Variants in ATG7 observed in about 807,000 individuals in gnomAD.
ATG7 encodes the protein ubiquitin-like modifier-activating enzyme ATG7.
In ATG7, 70 loss-of-function variants were observed where a neutral mutation model predicts 82.4. That is an observed-to-expected ratio of 0.85 (90% CI 0.70 to 1.04). The LOEUF (loss-of-function observed/expected upper bound fraction) is 1.04. ATG7 is among the 50% of genes least tolerant of loss of function. The pLI is 0.00. For synonymous variants in ATG7, 287 were observed against 313.0 expected, an observed-to-expected ratio of 0.92 and a Z score of 0.88; for missense variants, 792 against 864.3, an observed-to-expected ratio of 0.92 and a Z score of 1.05.
chr3:11,564,120 G>A, the ATG7 span, among the ~76,000 whole-genome samples: 4 of 152,336 alleles, frequency 2.6e-5, no homozygotes, highest in Admixed American at 1.3e-4. Flanking sequence ...GAGAGCTCAA[G>A]CAGTAATTTT....
intron 11 of ATG7, among the ~76,000 whole-genome samples, 153 bp from the exon 12 acceptor site, chr3:11,340,492 G>A (rs1304110862): frequency 6.6e-6 from 1 of 151,978 alleles, no homozygotes; most frequent in Non-Finnish European, 1.5e-5. Context: ...GGAAATTCAG[G>A]CCCTCAAGTC....
At chr3:11,326,172 G>A (rs998158386) in intron 9 of ATG7, among the ~76,000 whole-genome samples, 4 of 152,130 alleles carry the variant, frequency 2.6e-5, no homozygotes, top group African/African-American at 7.2e-5. Context: ...AAGCAAGTGA[G>A]TTTTTCACTA....
chr3:11,516,171 T>C (rs2092275138), intron 20 of ATG7, among the ~76,000 whole-genome samples: 1 of 151,950 alleles, frequency 6.6e-6, no homozygotes, highest in Admixed American at 6.6e-5. Flanking sequence ...TCAGGGAAGA[T>C]ATACAGATGG....
At chr3:11,305,827 T>C (rs1168140512) in intron 5 of ATG7, among the ~76,000 whole-genome samples, 3 of 152,200 alleles carry the variant, frequency 2.0e-5, no homozygotes, top group African/African-American at 2.4e-5. Flanking sequence ...TAGGTTTAGA[T>C]TTCTACTCTT....
chr3:11,361,260 CTT>C (rs1237789283), intron 16 of ATG7, among the ~76,000 whole-genome samples: 1 of 151,174 alleles, frequency 6.6e-6, no homozygotes, highest in Non-Finnish European at 1.5e-5. Flanking sequence ...TCCCAGCTAA[CTT>C]TGAATTTCAG....
intron 19 of ATG7, among the ~76,000 whole-genome samples, chr3:11,412,499 T>A (rs1010476177): frequency 1.3e-5 from 2 of 152,166 alleles, no homozygotes; most frequent in Admixed American, 6.5e-5. Flanking sequence ...CTATTCTGTT[T>A]CGTTGGTCTA....
In ATG7 at chr3:11,368,286, TTCCC is replaced by T. The variant is rs533943139; in HGVS notation, c.1875+3557_1875+3560del. Among the ~76,000 whole-genome samples, 17 of 151,924 alleles carry T rather than the reference TTCCC, an allele frequency of 1.1e-4. No individual in the cohort carries two copies. The South Asian group carries it at 3.1e-3, about 28-fold the overall frequency. ...AGAAGAAGGAAAGAAACACTGCTTTTTCCCTCCCGGCTGGTGGCTGAGCTCTGCA... is the reference window on the plus strand; with the variant it reads ...AGAAGAAGGAAAGAAACACTGCTTTTTCCCGGCTGGTGGCTGAGCTCTGCA... On this transcript the variant is annotated intron_variant, in intron 18 of 20. Coordinates refer to ENST00000693202, the MANE Select transcript of ATG7 (RefSeq NM_001349232.2).
chr3:11,324,341 A>T (rs1437275603), intron 9 of ATG7, among the ~76,000 whole-genome samples: 1 of 152,226 alleles, frequency 6.6e-6, no homozygotes, highest in Non-Finnish European at 1.5e-5. Flanking sequence ...AATGATTAAG[A>T]TAGATTCTGA....
At chr3:11,276,730 A>G (rs957532822) in intron 1 of ATG7, among the ~76,000 whole-genome samples, 2 of 151,994 alleles carry the variant, frequency 1.3e-5, no homozygotes, top group Non-Finnish European at 2.9e-5. Context: ...TTGTCCCTCA[A>G]TTTCCATTGT....
intron 18 of ATG7, among the ~76,000 whole-genome samples, chr3:11,370,262 G>A (rs769421149): frequency 6.6e-6 from 1 of 151,106 alleles, no homozygotes; most frequent in Non-Finnish European, 1.5e-5. Flanking sequence ...GGGAAGATTT[G>A]CTCCATTCTG....
At chr3:11,429,112 G>C (rs976298472) in intron 20 of ATG7, among the ~76,000 whole-genome samples, 1 of 152,212 alleles carries the variant, frequency 6.6e-6, no homozygotes, top group Non-Finnish European at 1.5e-5. Flanking sequence ...ATGGTAAACT[G>C]TTTGGCCTGT....
intron 20 of ATG7, among the ~76,000 whole-genome samples, chr3:11,448,721 C>T (rs2084812655): frequency 1.3e-5 from 2 of 152,164 alleles, no homozygotes; most frequent in South Asian, 2.1e-4. Context: ...TGTTGTTCCC[C>T]TGCCCGAAGG....
intron 20 of ATG7, among the ~76,000 whole-genome samples, chr3:11,522,634 C>G (rs2092471357): frequency 1.3e-5 from 2 of 152,138 alleles, no homozygotes; most frequent in African/African-American, 4.8e-5. Flanking sequence ...CATAATTATT[C>G]ATAGAATTTA....
chr3:11,462,451 A>G (rs1442316855), intron 20 of ATG7, among the ~76,000 whole-genome samples: 1 of 152,160 alleles, frequency 6.6e-6, no homozygotes, highest in Non-Finnish European at 1.5e-5. Flanking sequence ...AGGGGAAAGC[A>G]TTAAGGTAAA....
At chr3:11,420,819 G>T (rs533308113) in intron 19 of ATG7, among the ~76,000 whole-genome samples, 1 of 147,352 alleles carries the variant, frequency 6.8e-6, no homozygotes, top group African/African-American at 2.5e-5. Context: ...GCAATGGCGC[G>T]ATCTCGGCTC....
chr3:11,315,383 A>G lies in ATG7; in HGVS notation c.568A>G (p.Thr190Ala), dbSNP rs763867253. ...GTGTGCATATGATAATCTTTGTCAA[A>G]CAGAAGGAGTCACAGCTCTTCCTTA... Reference protein sequence around the residue: ...LECAYDNLCQTEGVTALPYFL... With the variant: ...LECAYDNLCQAEGVTALPYFL... Residue 190 changes from threonine (T) to alanine (A), a missense_variant, in exon 9 of 21, where the codon ACA (threonine) becomes GCA (alanine). By Grantham distance (58) the Thr-to-Ala change is moderately conservative. Coordinates refer to ENST00000693202, the MANE Select transcript of ATG7 (RefSeq NM_001349232.2). 6.2e-7 allele frequency: 1 copy of G among 1,609,852 alleles called. No homozygotes were observed. The highest frequency in any genetic ancestry group is 1.1e-5 in the South Asian group (1 of 89,906).
At position 11,477,096 on chromosome 3, in the gene ATG7, G is replaced by A. The variant is rs1345139207; in HGVS notation, c.2079+50170G>A. On this transcript the variant is annotated intron_variant, in intron 20 of 20. Coordinates refer to ENST00000693202, the MANE Select transcript of ATG7 (RefSeq NM_001349232.2). ...GGCAATCAGTTATTGCAGCAATTTG[G>A]TGGTGTAATTAAAAGGGAGCATGTT... The A allele has an allele frequency of 1.4e-5, 18 of 1,289,012 alleles. 1 individual carries two copies. In the South Asian group the frequency reaches 2.0e-4, roughly 14 times the overall value. The allele number at this position is 1,289,012 out of a possible 1,614,324, so 79.8% of individuals were successfully genotyped here.
intron 20 of ATG7, among the ~76,000 whole-genome samples, chr3:11,474,604 T>C (rs1313990652): frequency 6.6e-5 from 10 of 151,968 alleles, no homozygotes; most frequent in African/African-American, 2.2e-4. Flanking sequence ...TATCTCCCCA[T>C]CTCAAAAAAA....
At chr3:11,393,149 T>C (rs1205098386) in intron 19 of ATG7, among the ~76,000 whole-genome samples, 1 of 152,160 alleles carries the variant, frequency 6.6e-6, no homozygotes, top group Non-Finnish European at 1.5e-5. Flanking sequence ...GGCTGCCTGG[T>C]TTGCCAGATT....
Sources: gnomAD v4.1 joint callset for allele counts (sites outside exome capture counted in the v4.1 genomes callset) on GRCh38, gnomAD v4.1.1 for gene constraint, MANE v1.5 for transcripts, NCBI Gene and HGNC (gene_info 2026-07-23, HGNC 2026-07-21) for gene names.